The following AKT3 variants were observed in gnomAD, a reference collection of about 807,000 sequenced individuals.
AKT3 encodes RAC-gamma serine/threonine-protein kinase.
Under a neutral mutation model 65.3 loss-of-function variants are expected in AKT3, and 15 were observed. That is an observed-to-expected ratio of 0.23 (90% confidence interval 0.15 to 0.35). The LOEUF (loss-of-function observed/expected upper bound fraction) is 0.35. Ranked by LOEUF, AKT3 falls within the 10% of genes least tolerant of loss-of-function variation. The pLI is 1.00. For missense variants in AKT3, 243 were observed against 576.5 expected (o/e 0.42, Z 5.92); for synonymous variants, 206 against 183.8 (o/e 1.12, Z -0.98).
Position 243,665,289 on chromosome 1 carries a change from G to A in AKT3, c.173-406C>T, listed in dbSNP as rs143473680. On this transcript the variant is annotated intron_variant, in intron 3 of 13. Coordinates refer to ENST00000673466, the MANE Select transcript of AKT3 (RefSeq NM_005465.7). The stretch of plus-strand genomic sequence containing the variant: ...TCCATGAAACCTTCCATAACACCTC[G>A]CCCTAGACTGACCATTTCATCCTCT... 2.8e-4 allele frequency among the ~76,000 whole-genome samples: 43 copies of A among 152,072 alleles called. No individual in the cohort carries two copies. The East Asian group carries it at 6.2e-3, about 22-fold the overall frequency.
intron 12 of AKT3, among the ~76,000 whole-genome samples, chr1:243,523,284 C>T (rs1306567324): frequency 2.6e-5 from 4 of 151,136 alleles, no homozygotes; most frequent in African/African-American, 9.7e-5. Flanking sequence ...CACACACACA[C>T]ACACACACAC....
At chr1:243,607,055 C>T (rs1677483371) in intron 8 of AKT3, among the ~76,000 whole-genome samples, 1 of 152,264 alleles carries the variant, frequency 6.6e-6, no homozygotes, top group African/African-American at 2.4e-5. Context: ...TGTGGAAACA[C>T]TTGGATGACC....
Position 243,505,102 on chromosome 1 carries a change from G to A in AKT3, c.*147C>T. ...CGTGTATGTGTGTTTTCATGAGGGT[G>A]AAAGGTGGCGAGGGGTGAGGACCCT... On this transcript the variant is annotated 3_prime_UTR_variant, in exon 14 of 14. Transcript: ENST00000673466. 1 of 644,086 alleles carries A rather than the reference G, an allele frequency of 1.6e-6. No homozygotes were observed. The highest frequency in any genetic ancestry group is 2.0e-5 in the South Asian group (1 of 50,790). 39.9% of individuals were successfully genotyped at this position (644,086 alleles called of 1,614,324 possible).
At chr1:243,785,559 CAT>C (rs560444589) in intron 2 of AKT3, among the ~76,000 whole-genome samples, 2 of 152,134 alleles carry the variant, frequency 1.3e-5, no homozygotes, top group African/African-American at 2.4e-5. Flanking sequence ...GAAAACCTCT[CAT>C]GTTTCTTTCA....
At chr1:243,673,189 G>A (rs961461290) in intron 3 of AKT3, among the ~76,000 whole-genome samples, 1 of 152,098 alleles carries the variant, frequency 6.6e-6, no homozygotes, top group African/African-American at 2.4e-5. Flanking sequence ...TGTTGTGTGG[G>A]CAAGATGGTT....
chr1:243,531,667 A>G (rs1671540374), intron 12 of AKT3, among the ~76,000 whole-genome samples: 1 of 152,166 alleles, frequency 6.6e-6, no homozygotes, highest in South Asian at 2.1e-4. Flanking sequence ...ATTCTACCAT[A>G]AGATTAAGAA....
At chr1:243,645,274 A>G (rs1038127080) in intron 5 of AKT3, among the ~76,000 whole-genome samples, 2 of 152,226 alleles carry the variant, frequency 1.3e-5, no homozygotes, top group African/African-American at 4.8e-5. Context: ...AATCATGAAA[A>G]TATCATTTTT....
At chr1:243,818,286 G>A (rs575329150) in intron 2 of AKT3, 5 of 152,250 alleles carry the variant, frequency 3.3e-5, no homozygotes, top group Admixed American at 1.3e-4. Flanking sequence ...TAACCTTCAT[G>A]AGGTAGATAG....
chr1:243,702,515 CTGACA>C (rs1685532205), intron 2 of AKT3, among the ~76,000 whole-genome samples: 3 of 152,086 alleles, frequency 2.0e-5, no homozygotes, highest in Admixed American at 2.0e-4. Flanking sequence ...AGAACATTAC[CTGACA>C]TATTTCAAGT....
intron 12 of AKT3, among the ~76,000 whole-genome samples, chr1:243,537,219 C>A (rs1342468697): frequency 6.6e-6 from 1 of 152,118 alleles, no homozygotes; most frequent in Non-Finnish European, 1.5e-5. Context: ...CACTGCTTCC[C>A]TCCCTCCTGA....
chr1:243,611,802 C>T (rs992273973), intron 8 of AKT3, among the ~76,000 whole-genome samples: 7 of 152,154 alleles, frequency 4.6e-5, no homozygotes, highest in African/African-American at 1.4e-4. Context: ...ATTTAATTAT[C>T]TTGTCCTATC....
chr1:243,631,568 C>T (rs1368841093), intron 6 of AKT3, among the ~76,000 whole-genome samples: 1 of 152,200 alleles, frequency 6.6e-6, no homozygotes, highest in South Asian at 2.1e-4. Flanking sequence ...GGATTACAGA[C>T]ATGAGCCACC....
intron 1 of AKT3, among the ~76,000 whole-genome samples, chr1:243,845,700 A>T (rs1000632105): frequency 6.6e-6 from 1 of 151,906 alleles, no homozygotes; most frequent in African/African-American, 2.4e-5. Context: ...GCCTCATCAT[A>T]AATTTTTAAA....
downstream of AKT3, among the ~76,000 whole-genome samples, chr1:243,496,666 G>A (rs374912213): frequency 6.6e-6 from 1 of 152,312 alleles, no homozygotes; most frequent in South Asian, 2.1e-4. Context: ...CCATCTCCCC[G>A]GGCTGCCACT....
intron 8 of AKT3, among the ~76,000 whole-genome samples, chr1:243,583,162 ATG>A (rs145963349): frequency 0.29 from 33,021 of 112,448 alleles, 5,582 homozygotes; most frequent in Middle Eastern, 0.41. Context: ...TTCCATGTAT[ATG>A]TGTGTGTATA....
In AKT3 at chr1:243,680,164, T is replaced by C. The variant is rs1683815987; in HGVS notation, c.173-15281A>G. On this transcript the variant is annotated intron_variant, in intron 3 of 13. Transcript: ENST00000673466. ...TTAAAAATGTCTAAAAATGCAACCA[T>C]AGTAATAGATTCTGAGTGCATGGGT... Among the ~76,000 whole-genome samples, 4 of 152,080 alleles carry C rather than the reference T, an allele frequency of 2.6e-5. No homozygotes were observed. The South Asian group carries it at 8.3e-4, about 32-fold the overall frequency.
At chr1:243,711,436 A>G (rs1044406516) in intron 2 of AKT3, among the ~76,000 whole-genome samples, 1 of 152,196 alleles carries the variant, frequency 6.6e-6, no homozygotes, top group Non-Finnish European at 1.5e-5. Context: ...TATTTTCTTT[A>G]AATAATTTAT....
At chr1:243,704,692 T>C (rs1243263518) in intron 2 of AKT3, among the ~76,000 whole-genome samples, 3 of 152,126 alleles carry the variant, frequency 2.0e-5, no homozygotes, top group Admixed American at 6.6e-5. Context: ...TGCATCATCC[T>C]GCATTCCTCC....
chr1:243,499,765 ATGCCACAATCTGAT>A lies in AKT3; in HGVS notation c.*5470_*5483del. On this transcript the variant is annotated 3_prime_UTR_variant, in exon 14 of 14. Coordinates refer to ENST00000673466, the MANE Select transcript of AKT3 (RefSeq NM_005465.7). The stretch of plus-strand genomic sequence containing the variant: ...TTATTATTTTTTCCAGTTACCCAGC[ATGCCACAATCTGAT>A]TGCTGACCTGGATGGAACAGAGTGA... 6.2e-7 allele frequency: 1 copy of A among 1,612,424 alleles called. No homozygotes were observed. Among genetic ancestry groups the A allele is most frequent in the South Asian group, 1.1e-5 (1 of 91,052 alleles).
Sources: gnomAD v4.1 joint callset for allele counts (sites outside exome capture counted in the v4.1 genomes callset) on GRCh38, gnomAD v4.1.1 for gene constraint, MANE v1.5 for transcripts, NCBI Gene and HGNC (gene_info 2026-07-23, HGNC 2026-07-21) for gene names.